Variants in PRKD3 observed in about 807,000 individuals in gnomAD.
The protein encoded by PRKD3 is protein kinase D3, also known as serine/threonine-protein kinase D3.
Under a neutral mutation model 99.2 loss-of-function variants are expected in PRKD3, and 47 were observed. That is an observed-to-expected ratio of 0.47 (90% CI 0.38 to 0.60). PRKD3 has a LOEUF of 0.60. Among genes scored for constraint, PRKD3 ranks in the 20% least tolerant of loss-of-function variants. The probability of loss-of-function intolerance (pLI) is 0.00; values close to 1 mark genes in which losing one functional copy is unlikely to be tolerated. For synonymous variants in PRKD3, 392 were observed against 355.4 expected, an observed-to-expected ratio of 1.10 and a Z score of -1.16; for missense variants, 1,019 against 1,088.4, an observed-to-expected ratio of 0.94 and a Z score of 0.90.
At chr2:37,312,883 T>C (rs1038291123) in intron 2 of PRKD3, among the ~76,000 whole-genome samples, 8 of 152,200 alleles carry the variant, frequency 5.3e-5, no homozygotes, top group Non-Finnish European at 1.2e-4. Flanking sequence ...TAGGTCCTAC[T>C]AGGAGCAATC....
intron 11 of PRKD3, among the ~76,000 whole-genome samples, chr2:37,273,031 G>A (rs1331664340): frequency 6.6e-6 from 1 of 152,068 alleles, no homozygotes; most frequent in African/African-American, 2.4e-5. Context: ...GGGTAGCAGT[G>A]CTTAAATTAA....
intron 9 of PRKD3, 23 bp downstream of exon 9, chr2:37,277,843 T>C (rs775039243): frequency 1.1e-5 from 17 of 1,606,046 alleles, no homozygotes. Context: ...TACTAGCATA[T>C]TCAAATGTAT....
At chr2:37,280,767 C>A (rs1017141838) in intron 7 of PRKD3, among the ~76,000 whole-genome samples, 7 of 152,058 alleles carry the variant, frequency 4.6e-5, no homozygotes, top group Non-Finnish European at 8.8e-5. Context: ...AATTGGATTT[C>A]ATCAAAATAC....
At chr2:37,274,188 T>C (rs1389168323) in intron 11 of PRKD3, among the ~76,000 whole-genome samples, 1 of 152,206 alleles carries the variant, frequency 6.6e-6, no homozygotes, top group East Asian at 1.9e-4. Flanking sequence ...GCCAGGATTT[T>C]CATGTAGGAA....
intron 2 of PRKD3, among the ~76,000 whole-genome samples, chr2:37,306,038 A>G (rs1409451840): frequency 1.3e-5 from 2 of 151,954 alleles, no homozygotes; most frequent in East Asian, 1.9e-4. Flanking sequence ...GCTATGGCAT[A>G]ATATACTCTG....
chr2:37,283,931 G>C (rs1008018451), intron 6 of PRKD3, among the ~76,000 whole-genome samples: 4 of 149,778 alleles, frequency 2.7e-5, no homozygotes, highest in South Asian at 2.1e-4. Flanking sequence ...ATTCAGAGCC[G>C]AATTTGTGGA....
chr2:37,307,658 G>A (rs1387959980), intron 2 of PRKD3, among the ~76,000 whole-genome samples: 1 of 152,092 alleles, frequency 6.6e-6, no homozygotes, highest in African/African-American at 2.4e-5. Flanking sequence ...ATCAATCAAT[G>A]TATCATAAAT....
Position 37,293,166 on chromosome 2 carries a change from G to C in PRKD3, c.394C>G (p.His132Asp). Residue 132 changes from histidine to aspartate, a missense_variant, in exon 3 of 19, where the codon CAT (histidine) becomes GAT (aspartate). By Grantham distance (81) the His-to-Asp change is moderately conservative. Around this residue, in one of 3 missense-constraint regions of PRKD3, gnomAD observed 710 missense variants for 692.7 expected, o/e 1.02. Transcript: ENST00000234179. ...ACCACTTCCACTAGGTCTCCTTCAT[G>C]TATTTCATCTGCTGAGGTAATCAGC... The part of the protein sequence containing the change: ...LQLITSADEI[H>D]EGDLVEVVLS... 1 of 1,600,576 alleles carries C rather than the reference G, an allele frequency of 6.2e-7. No homozygotes were observed. Among genetic ancestry groups the C allele is most frequent in the Non-Finnish European group, 8.6e-7 (1 of 1,169,180 alleles).
At chr2:37,266,059 CAG>C (rs1207376819) in intron 14 of PRKD3, among the ~76,000 whole-genome samples, 2 of 152,152 alleles carry the variant, frequency 1.3e-5, no homozygotes, top group Non-Finnish European at 2.9e-5. Flanking sequence ...TCATATTCAA[CAG>C]AGTATGAATG....
Position 37,286,157 on chromosome 2 carries a change from G to C in PRKD3, c.910+20C>G. 2 of 1,543,114 alleles carry C rather than the reference G, an allele frequency of 1.3e-6. No individual in the cohort carries two copies. The highest frequency in any genetic ancestry group is 8.8e-7 in the Non-Finnish European group (1 of 1,137,570). On this transcript the variant is annotated intron_variant, in intron 6 of 18. Transcript: ENST00000234179. Reference sequence around the variant, plus strand: ...CAAAAACAGACATAAATTTTAATTAGGGAAAACACCTAATCCTACCTTTAC... The same window carrying C: ...CAAAAACAGACATAAATTTTAATTACGGAAAACACCTAATCCTACCTTTAC...
intron 17 of PRKD3, among the ~76,000 whole-genome samples, chr2:37,255,202 T>C (rs1411455049): frequency 6.6e-6 from 1 of 152,246 alleles, no homozygotes; most frequent in Non-Finnish European, 1.5e-5. Flanking sequence ...TTCAATTAGC[T>C]TTCTTCATTA....
At chr2:37,307,114 C>T (rs1429063009) in intron 2 of PRKD3, among the ~76,000 whole-genome samples, 1 of 152,154 alleles carries the variant, frequency 6.6e-6, no homozygotes, top group Admixed American at 6.5e-5. Context: ...CTGGAAGCCC[C>T]CCTGCTCCAG....
At chr2:37,316,141 A>G in intron 2 of PRKD3, 96 bp downstream of exon 2, 1 of 1,249,298 alleles carries the variant, frequency 8.0e-7, no homozygotes, top group South Asian at 1.4e-5. Flanking sequence ...TAAACTACTG[A>G]TGGATCAGTA....
At chr2:37,262,514 C>G (rs747636293) in intron 14 of PRKD3, among the ~76,000 whole-genome samples, 11 of 152,138 alleles carry the variant, frequency 7.2e-5, no homozygotes, top group African/African-American at 2.7e-4. Flanking sequence ...CAGCAAAATA[C>G]AAAATGACAA....
chr2:37,323,986 C>T (rs1175274623), intron 1 of PRKD3, among the ~76,000 whole-genome samples: 1 of 152,192 alleles, frequency 6.6e-6, no homozygotes, highest in Non-Finnish European at 1.5e-5. Context: ...ATGCCTCTGA[C>T]TGCGTTCACC....
chr2:37,314,689 G>C (rs897226316), intron 2 of PRKD3, among the ~76,000 whole-genome samples: 21 of 151,520 alleles, frequency 1.4e-4, no homozygotes, highest in African/African-American at 5.1e-4. Flanking sequence ...ATCATAGAGA[G>C]TCATCAAAAC....
chr2:37,312,676 A>C (rs1671487723), intron 2 of PRKD3, among the ~76,000 whole-genome samples: 1 of 152,228 alleles, frequency 6.6e-6, no homozygotes, highest in Admixed American at 6.5e-5. Flanking sequence ...TAGAGTAACT[A>C]CACGTGTTCA....
intron 2 of PRKD3, among the ~76,000 whole-genome samples, chr2:37,299,022 T>G (rs1338651914): frequency 1.5e-5 from 2 of 133,262 alleles, no homozygotes; most frequent in Non-Finnish European, 3.5e-5. Context: ...AGGAAAGGCT[T>G]TCAGTTTTTT....
chr2:37,299,730 T>G (rs902522792), intron 2 of PRKD3, among the ~76,000 whole-genome samples: 1 of 152,010 alleles, frequency 6.6e-6, no homozygotes, highest in Admixed American at 6.6e-5. Context: ...GCAAAAGATC[T>G]AAATAATACA....
Sources: allele counts gnomAD v4.1 joint callset (sites outside exome capture counted in the v4.1 genomes callset), GRCh38; gene constraint gnomAD v4.1.1; regional missense constraint gnomAD v4.1.1; transcripts MANE v1.5; gene names NCBI Gene and HGNC (gene_info 2026-07-23, HGNC 2026-07-21).